Variants in RUNDC3B observed in about 807,000 individuals in gnomAD.
RUNDC3B encodes the protein RUN domain-containing protein 3B.
Under a neutral mutation model 58.4 loss-of-function variants are expected in RUNDC3B, and 33 were observed. The ratio of observed to expected loss-of-function variants is 0.56; its 90% CI spans 0.43 to 0.75. The LOEUF (loss-of-function observed/expected upper bound fraction) is 0.75, where lower values mean the gene tolerates loss of function less well. Ranked by LOEUF, RUNDC3B falls within the 30% of genes least tolerant of loss-of-function variation. The pLI is 0.00. For synonymous variants in RUNDC3B, 193 were observed against 195.2 expected (o/e 0.99, Z 0.10); for missense variants, 501 against 535.7 (o/e 0.94, Z 0.64).
chr7:87,683,995 A>T (rs1585093929), intron 2 of RUNDC3B, among the ~76,000 whole-genome samples: 1 of 152,342 alleles, frequency 6.6e-6, no homozygotes, highest in African/African-American at 2.4e-5. Context: ...CAGTACTTGA[A>T]AATGGATGTA....
chr7:87,728,321 A>G (rs992669280), intron 4 of RUNDC3B, among the ~76,000 whole-genome samples: 2 of 151,816 alleles, frequency 1.3e-5, no homozygotes, highest in Non-Finnish European at 2.9e-5. Flanking sequence ...CTGTACATCA[A>G]GTTTTGCATT....
chr7:87,827,626 A>G (rs1837889129), intron 10 of RUNDC3B, among the ~76,000 whole-genome samples: 1 of 152,200 alleles, frequency 6.6e-6, no homozygotes, highest in Non-Finnish European at 1.5e-5. Flanking sequence ...ATATAACAGG[A>G]TTATACAACA....
At chr7:87,678,029 A>G (rs1170392255) in intron 2 of RUNDC3B, among the ~76,000 whole-genome samples, 1 of 152,246 alleles carries the variant, frequency 6.6e-6, no homozygotes, top group African/African-American at 2.4e-5. Context: ...AATCTGGTCT[A>G]AAAGAAATGC....
intron 2 of RUNDC3B, among the ~76,000 whole-genome samples, chr7:87,688,290 A>G (rs1371407221): frequency 6.6e-6 from 1 of 152,104 alleles, no homozygotes; most frequent in Non-Finnish European, 1.5e-5. Flanking sequence ...TCTTATATTA[A>G]TGTTTTATAA....
chr7:87,712,268 A>G (rs1354412890), intron 4 of RUNDC3B, among the ~76,000 whole-genome samples: 4 of 152,136 alleles, frequency 2.6e-5, no homozygotes, highest in Admixed American at 2.6e-4. Flanking sequence ...ATATTTCTAA[A>G]GATAAACAGT....
chr7:87,830,677 A>G lies in RUNDC3B; in HGVS notation c.*647A>G, dbSNP rs1345328178. On this transcript the variant is annotated 3_prime_UTR_variant, in exon 11 of 11. Coordinates refer to ENST00000394654, the MANE Select transcript of RUNDC3B (RefSeq NM_001134405.2). ...GTTACTGACTTAATTTGTTAGTGCC[A>G]CAAGGAAAATATTTTACAGTATTTT... 2.0e-5 allele frequency: 3 copies of G among 151,768 alleles called. No homozygotes were observed. The highest frequency in any genetic ancestry group is 4.4e-5 in the Non-Finnish European group (3 of 67,838). 9.4% of individuals were successfully genotyped at this position (151,768 alleles called of 1,614,324 possible). A position where few individuals can be genotyped will look rare whatever the true frequency, so the allele number is the denominator to read the frequency against.
At chr7:87,811,642 C>G (rs1362257194) in intron 9 of RUNDC3B, among the ~76,000 whole-genome samples, 1 of 152,174 alleles carries the variant, frequency 6.6e-6, no homozygotes, top group Non-Finnish European at 1.5e-5. Context: ...CCGCGCACGG[C>G]TGGCTTTTAA....
chr7:87,822,528 C>A (rs904745381), intron 10 of RUNDC3B, among the ~76,000 whole-genome samples: 1 of 152,126 alleles, frequency 6.6e-6, no homozygotes, highest in African/African-American at 2.4e-5. Context: ...CCCATCCATC[C>A]CATTACTGGG....
chr7:87,646,462 T>C (rs1823013165), intron 1 of RUNDC3B, among the ~76,000 whole-genome samples: 1 of 152,114 alleles, frequency 6.6e-6, no homozygotes, highest in Non-Finnish European at 1.5e-5. Flanking sequence ...AATATAAGTT[T>C]TGGTGTATTT....
Position 87,830,176 on chromosome 7 carries a change from AT to A in RUNDC3B, c.*150del. Reference sequence around the variant, plus strand: ...GGAGAGAATCCCCTCCAGATAAGAGATTTTGAGTGAAAAACATAATGATCCT... The same window carrying A: ...GGAGAGAATCCCCTCCAGATAAGAGATTTGAGTGAAAAACATAATGATCCT... On this transcript the variant is annotated 3_prime_UTR_variant, in exon 11 of 11. Coordinates refer to ENST00000394654, the MANE Select transcript of RUNDC3B (RefSeq NM_001134405.2). The A allele has an allele frequency of 2.4e-6, 1 of 408,688 alleles. No individual in the cohort carries two copies. 25.3% of individuals were successfully genotyped at this position (408,688 alleles called of 1,614,324 possible). A position where few individuals can be genotyped will look rare whatever the true frequency, so the allele number is the denominator to read the frequency against.
intron 1 of RUNDC3B, among the ~76,000 whole-genome samples, chr7:87,640,608 G>A (rs886375715): frequency 6.6e-6 from 1 of 152,162 alleles, no homozygotes; most frequent in African/African-American, 2.4e-5. Flanking sequence ...GCCTCCAAAA[G>A]TGTTGGAATG....
intron 2 of RUNDC3B, among the ~76,000 whole-genome samples, chr7:87,669,106 A>C (rs1323750778): frequency 6.6e-6 from 1 of 151,770 alleles, no homozygotes; most frequent in Non-Finnish European, 1.5e-5. Context: ...TTTCCATGGG[A>C]GTTTGTGCCT....
chr7:87,757,973 C>T (rs1563189634), intron 6 of RUNDC3B, among the ~76,000 whole-genome samples: 1 of 152,092 alleles, frequency 6.6e-6, no homozygotes, highest in Admixed American at 6.6e-5. Context: ...GAAAGTAGAC[C>T]TCAATCTCTC....
chr7:87,829,465 G>T (rs543938827), intron 10 of RUNDC3B, among the ~76,000 whole-genome samples: 1 of 152,148 alleles, frequency 6.6e-6, no homozygotes, highest in Non-Finnish European at 1.5e-5. Flanking sequence ...TTTTCCCATT[G>T]CTTACTTTTG....
intron 6 of RUNDC3B, among the ~76,000 whole-genome samples, chr7:87,756,441 A>G (rs1833379742): frequency 6.6e-6 from 1 of 152,028 alleles, no homozygotes; most frequent in Admixed American, 6.6e-5. Flanking sequence ...TTTTTACCTT[A>G]CTAATATTTT....
intron 2 of RUNDC3B, among the ~76,000 whole-genome samples, chr7:87,683,597 A>T (rs563636538): frequency 7.6e-4 from 115 of 152,286 alleles, no homozygotes; most frequent in Non-Finnish European, 1.4e-3. Context: ...CAGAACACAC[A>T]CATTTATCAA....
chr7:87,684,389 A>G (rs910760206), intron 2 of RUNDC3B, among the ~76,000 whole-genome samples: 7 of 152,232 alleles, frequency 4.6e-5, no homozygotes, highest in Admixed American at 3.9e-4. Flanking sequence ...TCATGAAGGA[A>G]GAACTAAGTT....
chr7:87,723,571 A>G (rs1436064163), intron 4 of RUNDC3B, among the ~76,000 whole-genome samples: 2 of 152,216 alleles, frequency 1.3e-5, no homozygotes, highest in Non-Finnish European at 2.9e-5. Context: ...AAGATAATAC[A>G]TATGCTGTAT....
chr7:87,660,142 A>G (rs1420393685), intron 2 of RUNDC3B, among the ~76,000 whole-genome samples: 1 of 151,876 alleles, frequency 6.6e-6, no homozygotes, highest in Non-Finnish European at 1.5e-5. Context: ...TCTTTTTTTC[A>G]TTCTTTGGGA....
Sources: allele counts gnomAD v4.1 joint callset (sites outside exome capture counted in the v4.1 genomes callset), GRCh38; gene constraint gnomAD v4.1.1; transcripts MANE v1.5; gene names NCBI Gene and HGNC (gene_info 2026-07-23, HGNC 2026-07-21).